Variants in CUBN observed in about 807,000 individuals in gnomAD.
CUBN encodes the protein cubilin.
A neutral mutation model predicts 405.3 loss-of-function variants in CUBN; 282 were observed. The observed-to-expected ratio is 0.70, with a 90% CI of 0.63 to 0.77. The LOEUF (loss-of-function observed/expected upper bound fraction) is 0.77. CUBN is among the 30% of genes least tolerant of loss of function. CUBN has a pLI of 0.00. For synonymous variants in CUBN, 1,684 were observed against 1,617.0 expected, an observed-to-expected ratio of 1.04 and a Z score of -0.99; for missense variants, 4,514 against 4,475.2, an observed-to-expected ratio of 1.01 and a Z score of -0.25.
At chr10:17,018,199 T>A (rs983780379) in intron 28 of CUBN, among the ~76,000 whole-genome samples, 7 of 152,048 alleles carry the variant, frequency 4.6e-5, no homozygotes, top group African/African-American at 1.7e-4. Context: ...AGGTGCCCGG[T>A]ATATAGCCCC....
rs2995476 is a variant in CUBN, at chr10:16,829,359, C to A, written c.10529-319G>T. ...GCAGAATGGAAAAAAAAAAAAAAAA[C>A]AAACTTGATAAAGTAACTGTGGGAG... On this transcript the variant is annotated intron_variant, in intron 65 of 66. Transcript: ENST00000377833. 0.42 allele frequency among the ~76,000 whole-genome samples: 57,800 copies of A among 138,170 alleles called. 12,270 individuals carry two copies. The highest frequency in any genetic ancestry group is 0.65 in the East Asian group (3,074 of 4,712). The allele number at this position is 138,170 out of a possible 152,430, so 90.6% of individuals were successfully genotyped here.
chr10:17,093,941 T>C (rs533261293), intron 14 of CUBN, among the ~76,000 whole-genome samples: 1 of 152,038 alleles, frequency 6.6e-6, no homozygotes, highest in South Asian at 2.1e-4. Context: ...ACCTTCAGCA[T>C]ATGTGTAATT....
chr10:17,067,316 T>A (rs1278358801), intron 21 of CUBN, among the ~76,000 whole-genome samples: 3 of 152,122 alleles, frequency 2.0e-5, no homozygotes, highest in African/African-American at 2.4e-5. Context: ...ATGGACTACA[T>A]ATAAAATGAC....
At position 17,127,878 on chromosome 10, in the gene CUBN, A is replaced by G. The variant is rs138350638; in HGVS notation, c.299T>C (p.Ile100Thr). The change falls in exon 3 of 67, where the codon ATT becomes ACT. Residue 100 changes from isoleucine to threonine, a missense_variant. Physicochemically the swap from Ile to Thr is moderately conservative, Grantham distance 89. Around this residue, in one of 5 missense-constraint regions of CUBN, gnomAD observed 1,448 missense variants for 1,388.0 expected, o/e 1.04. Coordinates refer to ENST00000377833, the MANE Select transcript of CUBN (RefSeq NM_001081.4). ...ACTAGATATATTTTGAGGCAGACCA[A>G]TTGCACTCCCTTTTAACTCTATAAT... ...EDIIELKGSA[I>T]GLPQNISSQI... 147 of 1,612,920 alleles carry G rather than the reference A, an allele frequency of 9.1e-5. 1 individual carries two copies. Among genetic ancestry groups the G allele is most frequent in the Non-Finnish European group, 1.1e-4 (134 of 1,179,244 alleles).
chr10:16,940,348 C>T (rs1464286335), intron 36 of CUBN, 111 bp from the exon 37 acceptor site: 7 of 1,040,280 alleles, frequency 6.7e-6, no homozygotes, highest in Non-Finnish European at 1.0e-5. Context: ...CTTTCTTTAA[C>T]TTTGATCACA....
intron 19 of CUBN, among the ~76,000 whole-genome samples, chr10:17,070,093 T>C (rs1835704579): frequency 6.6e-6 from 1 of 152,210 alleles, no homozygotes; most frequent in African/African-American, 2.4e-5. Flanking sequence ...TAATTTTGCA[T>C]GTGGCTATTG....
intron 54 of CUBN, among the ~76,000 whole-genome samples, chr10:16,892,748 C>G (rs1841072417): frequency 6.6e-6 from 1 of 152,074 alleles, no homozygotes; most frequent in African/African-American, 2.4e-5. Context: ...CCTGTCTTGG[C>G]CTCCAAAAGT....
chr10:16,913,890 G>A lies in CUBN; in HGVS notation c.7454C>T (p.Pro2485Leu), dbSNP rs199841930. Residue 2485 changes from proline to leucine, a missense_variant, in exon 48 of 67, where the codon CCG becomes CTG. Physicochemically the swap from Pro to Leu is moderately conservative, Grantham distance 98. Coordinates refer to ENST00000377833, the MANE Select transcript of CUBN (RefSeq NM_001081.4). ...GRICEWRITA[P>L]EGRRITLMFN... is the part of the protein sequence containing the mutation. The stretch of plus-strand genomic sequence containing the variant: ...CATTAGGGTGATCCGCCTTCCCTCC[G>A]GGGCAGTGATTCTCCACTCGCAGAT... The A allele has an allele frequency of 6.8e-5, 110 of 1,614,082 alleles. 1 individual carries two copies. In the East Asian group the frequency reaches 1.6e-3, roughly 24 times the overall value.
intron 43 of CUBN, among the ~76,000 whole-genome samples, chr10:16,924,517 T>C (rs1842125150): frequency 6.6e-6 from 1 of 152,174 alleles, no homozygotes; most frequent in African/African-American, 2.4e-5. Flanking sequence ...CATATATATA[T>C]ATATGAATCT....
chr10:16,918,575 C>A, intron 45 of CUBN, 47 bp downstream of exon 45: 7 of 1,437,812 alleles, frequency 4.9e-6, no homozygotes, highest in Non-Finnish European at 6.8e-6. Context: ...AACAAATCTG[C>A]ACATGTACCC....
At chr10:17,118,931 T>C (rs1303989817) in intron 6 of CUBN, among the ~76,000 whole-genome samples, 1 of 152,232 alleles carries the variant, frequency 6.6e-6, no homozygotes, top group East Asian at 1.9e-4. Flanking sequence ...AAGTGTCTTT[T>C]CTATGACCTT....
At chr10:16,848,246 G>T (rs552232657) in intron 60 of CUBN, among the ~76,000 whole-genome samples, 3 of 152,102 alleles carry the variant, frequency 2.0e-5, no homozygotes, top group Admixed American at 6.5e-5. Context: ...AGTAAATCCA[G>T]TCAACTCTCC....
chr10:16,980,262 C>T (rs908741730), intron 31 of CUBN, among the ~76,000 whole-genome samples: 8 of 152,316 alleles, frequency 5.3e-5, no homozygotes, highest in Non-Finnish European at 1.2e-4. Flanking sequence ...ATTAGTTCAA[C>T]CATTGTGGAA....
At chr10:17,109,507 G>T in intron 10 of CUBN, 133 bp downstream of exon 10, 8 of 708,058 alleles carry the variant, frequency 1.1e-5, no homozygotes, top group East Asian at 5.7e-5. Flanking sequence ...GTAGTTTTAT[G>T]GCATGGATTA....
intron 28 of CUBN, among the ~76,000 whole-genome samples, chr10:16,992,074 A>G (rs759623019): frequency 7.9e-5 from 12 of 152,234 alleles, no homozygotes; most frequent in Non-Finnish European, 1.6e-4. Flanking sequence ...AAAAATGATG[A>G]GTTCATATCC....
chr10:17,046,657 C>T (rs1341770844), intron 23 of CUBN, among the ~76,000 whole-genome samples: 1 of 152,076 alleles, frequency 6.6e-6, no homozygotes, highest in African/African-American at 2.4e-5. Context: ...CAGTGAGTAA[C>T]TGCTGTAAAT....
intron 14 of CUBN, 57 bp downstream of exon 14, chr10:17,099,948 A>C: frequency 8.8e-7 from 1 of 1,130,280 alleles, no homozygotes; most frequent in East Asian, 2.3e-5. Context: ...AACACTGATT[A>C]AGAACACTTA....
intron 17 of CUBN, among the ~76,000 whole-genome samples, chr10:17,076,335 G>C (rs1370373295): frequency 6.6e-6 from 1 of 151,970 alleles, no homozygotes; most frequent in African/African-American, 2.4e-5. Flanking sequence ...ATTCTCCCTG[G>C]ATTCTAGACA....
rs112339295 is a variant in CUBN at position 16,967,504 on chromosome 10, C to G, written c.4696-12956G>C. 6.4e-3 allele frequency among the ~76,000 whole-genome samples: 981 copies of G among 152,308 alleles called. 18 individuals are homozygous for G. Among genetic ancestry groups the G allele is most frequent in the African/African-American group, 0.022 (933 of 41,568 alleles). ...TCCTTCATCTTGCAGATTCAAAGCA[C>G]TGGCTCAGCATTTGGTTGTTAATAA... On this transcript the variant is annotated intron_variant, in intron 31 of 66. Transcript: ENST00000377833.
Sources: gnomAD v4.1 joint callset for allele counts (sites outside exome capture counted in the v4.1 genomes callset) on GRCh38, gnomAD v4.1.1 for gene constraint, gnomAD v4.1.1 regional missense constraint, MANE v1.5 for transcripts, NCBI Gene and HGNC (gene_info 2026-07-23, HGNC 2026-07-21) for gene names.